The following AMBRA1 variants were observed in gnomAD, a reference collection of about 807,000 sequenced individuals.
AMBRA1 encodes activating molecule in BECN1-regulated autophagy protein 1.
A neutral mutation model predicts 125.4 loss-of-function variants in AMBRA1; 47 were observed. The observed-to-expected ratio is 0.37, with a 90% CI of 0.30 to 0.48. The LOEUF (loss-of-function observed/expected upper bound fraction) is 0.48. Among genes scored for constraint, AMBRA1 ranks in the 20% least tolerant of loss-of-function variants. The pLI is 0.99. For synonymous variants in AMBRA1, 626 were observed against 655.5 expected, an observed-to-expected ratio of 0.95 and a Z score of 0.69; for missense variants, 1,331 against 1,693.4, an observed-to-expected ratio of 0.79 and a Z score of 3.76.
At chr11:46,465,176 G>A (rs749949518) in intron 11 of AMBRA1, among the ~76,000 whole-genome samples, 3 of 151,938 alleles carry the variant, frequency 2.0e-5, no homozygotes, top group Non-Finnish European at 2.9e-5. Context: ...TATTCAAACC[G>A]ATCCAATCCT....
chr11:46,566,448 T>TCC (rs2043535892), intron 1 of AMBRA1, among the ~76,000 whole-genome samples: 1 of 152,002 alleles, frequency 6.6e-6, no homozygotes, highest in East Asian at 1.9e-4. Context: ...GAGCTATTGA[T>TCC]AATATAACTT....
rs1327850641 is a variant in AMBRA1 at position 46,397,161 on chromosome 11, G to A, written c.*289C>T. 1 of 302,580 alleles carries A rather than the reference G, an allele frequency of 3.3e-6. No individual in the cohort carries two copies. The highest frequency in any genetic ancestry group is 6.0e-6 in the Non-Finnish European group (1 of 165,538). 18.7% of individuals were successfully genotyped at this position (302,580 alleles called of 1,614,324 possible). On this transcript the variant is annotated 3_prime_UTR_variant, in exon 18 of 18. Coordinates refer to ENST00000683756, the MANE Select transcript of AMBRA1 (RefSeq NM_001387011.1). ...GTCCCCTGAGCCCATGTTACTAGGA[G>A]AAAGTGGGGTGCCTGGCAGAGATAC...
At chr11:46,506,406 G>A (rs1951037067) in intron 9 of AMBRA1, among the ~76,000 whole-genome samples, 1 of 152,216 alleles carries the variant, frequency 6.6e-6, no homozygotes, top group Non-Finnish European at 1.5e-5. Context: ...TGCTAGTAGT[G>A]TGTTTAATGA....
At chr11:46,400,723 G>A (rs1484948006) in intron 17 of AMBRA1, among the ~76,000 whole-genome samples, 1 of 151,976 alleles carries the variant, frequency 6.6e-6, no homozygotes, top group African/African-American at 2.4e-5. Flanking sequence ...CTGGGCTCAA[G>A]CAATCCTCCT....
At chr11:46,564,129 A>G (rs992299738) in intron 1 of AMBRA1, among the ~76,000 whole-genome samples, 1 of 146,402 alleles carries the variant, frequency 6.8e-6, no homozygotes, top group Non-Finnish European at 1.5e-5. Context: ...GGGCAACAAG[A>G]GCAAAACTCC....
At chr11:46,454,167 AG>A (rs1261330385) in intron 11 of AMBRA1, among the ~76,000 whole-genome samples, 1 of 152,116 alleles carries the variant, frequency 6.6e-6, no homozygotes, top group African/African-American at 2.4e-5. Context: ...GTATGAGGAA[AG>A]GAAAAGAAAT....
intron 1 of AMBRA1, among the ~76,000 whole-genome samples, chr11:46,559,488 T>C (rs1362230924): frequency 6.6e-6 from 1 of 152,050 alleles, no homozygotes; most frequent in Non-Finnish European, 1.5e-5. Flanking sequence ...ACCTCAAAAA[T>C]GGCAGTAAAA....
In AMBRA1 at chr11:46,552,028, C is replaced by CA. The variant is rs1251497351; in HGVS notation, c.-120-3529dup. ...GGGTGACAGAGTGAAACTCCATCTC[C>CA]AAAAAAAAATTAACCAATTAATTAA... On this transcript the variant is annotated intron_variant, in intron 1 of 17. Coordinates refer to ENST00000683756, the MANE Select transcript of AMBRA1 (RefSeq NM_001387011.1). Among the ~76,000 whole-genome samples the CA allele has an allele frequency of 1.6e-4, 22 of 137,834 alleles. No homozygotes were observed. In the East Asian group the frequency reaches 2.6e-3, roughly 16 times the overall value. The allele number at this position is 137,834 out of a possible 152,430, so 90.4% of individuals were successfully genotyped here.
chr11:46,534,735 G>A (rs1031107541), intron 7 of AMBRA1, among the ~76,000 whole-genome samples: 8 of 152,022 alleles, frequency 5.3e-5, no homozygotes, highest in South Asian at 2.1e-4. Context: ...GTGCAGAGGC[G>A]CAATCATGGC....
intron 17 of AMBRA1, among the ~76,000 whole-genome samples, chr11:46,408,044 T>A (rs996103096): frequency 6.6e-6 from 1 of 152,162 alleles, no homozygotes; most frequent in Admixed American, 6.5e-5. Context: ...GGGCTGATGA[T>A]AGGCCAGGCT....
chr11:46,558,240 A>G (rs1268970447), intron 1 of AMBRA1, among the ~76,000 whole-genome samples: 1 of 152,170 alleles, frequency 6.6e-6, no homozygotes, highest in African/African-American at 2.4e-5. Flanking sequence ...GTACATCAAT[A>G]GATAACTAAA....
chr11:46,420,676 T>A (rs1457348877), intron 14 of AMBRA1, among the ~76,000 whole-genome samples: 3 of 152,330 alleles, frequency 2.0e-5, no homozygotes, highest in Admixed American at 2.0e-4. Context: ...TTAGTTTTCC[T>A]TCTCCAAAGG....
At chr11:46,448,429 A>C (rs1461129942) in intron 11 of AMBRA1, among the ~76,000 whole-genome samples, 3 of 152,234 alleles carry the variant, frequency 2.0e-5, no homozygotes, top group Non-Finnish European at 4.4e-5. Flanking sequence ...AAATGAAAAC[A>C]TGACTTCTCA....
intron 7 of AMBRA1, among the ~76,000 whole-genome samples, chr11:46,523,633 T>C (rs1429661431): frequency 1.8e-4 from 27 of 152,216 alleles, no homozygotes; most frequent in Non-Finnish European, 1.3e-4. Context: ...ATCTCAGAGT[T>C]CTGAATGCCT....
At chr11:46,442,502 T>C (rs1326438661) in intron 12 of AMBRA1, among the ~76,000 whole-genome samples, 1 of 152,072 alleles carries the variant, frequency 6.6e-6, no homozygotes, top group Non-Finnish European at 1.5e-5. Context: ...CAGTGTGGTC[T>C]ATCATCAGAA....
intron 14 of AMBRA1, among the ~76,000 whole-genome samples, chr11:46,421,891 C>A (rs1186184288): frequency 6.6e-6 from 1 of 152,160 alleles, no homozygotes; most frequent in East Asian, 1.9e-4. Context: ...ACCCAAAGGT[C>A]ATCAGTACTG....
intron 17 of AMBRA1, among the ~76,000 whole-genome samples, chr11:46,401,528 C>A (rs1945759078): frequency 6.6e-6 from 1 of 152,180 alleles, no homozygotes; most frequent in Non-Finnish European, 1.5e-5. Flanking sequence ...GCCACCGCAC[C>A]CAGCTCAGCT....
chr11:46,490,477 G>A (rs12290327), intron 11 of AMBRA1, among the ~76,000 whole-genome samples: 5,688 of 152,194 alleles, frequency 0.037, 368 homozygotes, highest in African/African-American at 0.13. Context: ...AGTAGCTTCT[G>A]TTTTCTATTA....
chr11:46,440,233 T>C (rs1947938121), intron 12 of AMBRA1, among the ~76,000 whole-genome samples: 2 of 152,254 alleles, frequency 1.3e-5, no homozygotes, highest in Non-Finnish European at 2.9e-5. Context: ...AATGGAATAG[T>C]AGGCAGTCAT....
Sources: gnomAD v4.1 joint callset for allele counts (sites outside exome capture counted in the v4.1 genomes callset) on GRCh38, gnomAD v4.1.1 for gene constraint, MANE v1.5 for transcripts, NCBI Gene and HGNC (gene_info 2026-07-23, HGNC 2026-07-21) for gene names.